FUT8: variants seen among roughly 807,000 people sequenced by gnomAD.
The protein encoded by FUT8 is alpha-(1,6)-fucosyltransferase.
FUT8 carries 29 observed loss-of-function variants against 71.3 expected under a neutral mutation model. The ratio of observed to expected loss-of-function variants is 0.41; its 90% CI spans 0.30 to 0.55. The LOEUF is 0.55. Ranked by LOEUF, FUT8 falls within the 20% of genes least tolerant of loss-of-function variation. FUT8 has a pLI of 0.34. For synonymous variants in FUT8, 254 were observed against 239.3 expected (o/e 1.06, Z -0.57); for missense variants, 544 against 702.1 (o/e 0.77, Z 2.55).
At chr14:65,565,918 AAC>A (rs1886169817) in intron 3 of FUT8, among the ~76,000 whole-genome samples, 1 of 151,724 alleles carries the variant, frequency 6.6e-6, no homozygotes, top group Non-Finnish European at 1.5e-5. Context: ...AAAACATATA[AAC>A]ACAAAATTAT....
chr14:65,499,858 T>G (rs2066618983), intron 2 of FUT8, among the ~76,000 whole-genome samples: 1 of 151,770 alleles, frequency 6.6e-6, no homozygotes, highest in Non-Finnish European at 1.5e-5. Flanking sequence ...ATGTGTTGAA[T>G]ATTTAGTTAT....
intron 1 of FUT8, among the ~76,000 whole-genome samples, chr14:65,440,233 G>A (rs757006550): frequency 5.9e-5 from 9 of 151,828 alleles, no homozygotes; most frequent in Non-Finnish European, 1.0e-4. Context: ...TGTGGTTAAA[G>A]TGTACAAAGT....
rs1895564262 is a variant in FUT8 at position 65,724,160 on chromosome 14, C to T, written c.1096C>T (p.Arg366Cys). ...TTTCTCCCCCAGAGTCCATGTCAGACGCACAGACAAAGTGGGAACAGAAGC... is the reference window on the plus strand; with the variant it reads ...TTTCTCCCCCAGAGTCCATGTCAGATGCACAGACAAAGTGGGAACAGAAGC... ...KHPVIGVHVR[R>C]TDKVGTEAAF... Residue 366 changes from arginine (R) to cysteine (C), a missense_variant, in exon 9 of 11, where the codon CGC becomes TGC. Arg to Cys is a radical substitution (Grantham distance 180). Coordinates refer to ENST00000673929, the MANE Select transcript of FUT8 (RefSeq NM_001371533.1). 4 of 1,595,270 alleles carry T rather than the reference C, an allele frequency of 2.5e-6. No homozygotes were observed. Among genetic ancestry groups the T allele is most frequent in the African/African-American group, 1.3e-5 (1 of 74,188 alleles).
chr14:65,394,198 A>T, the FUT8 span, among the ~76,000 whole-genome samples: 1 of 152,124 alleles, frequency 6.6e-6, no homozygotes, highest in Non-Finnish European at 1.5e-5. Context: ...GCCTCAGGTG[A>T]TCTGCCCACC....
chr14:65,533,673 T>A (rs540825740), intron 2 of FUT8, among the ~76,000 whole-genome samples: 2 of 152,328 alleles, frequency 1.3e-5, no homozygotes, highest in South Asian at 4.1e-4. Flanking sequence ...CTTCCAATAC[T>A]ATGTTGAATA....
At chr14:65,432,223 G>A (rs1383771441) in intron 1 of FUT8, among the ~76,000 whole-genome samples, 1 of 152,002 alleles carries the variant, frequency 6.6e-6, no homozygotes, top group Non-Finnish European at 1.5e-5. Flanking sequence ...TTCTTGAAAT[G>A]TTACCTATTC....
At chr14:65,739,670 T>A (rs1324934965) in intron 10 of FUT8, among the ~76,000 whole-genome samples, 1 of 152,014 alleles carries the variant, frequency 6.6e-6, no homozygotes, top group African/African-American at 2.4e-5. Context: ...AAAAGAAGAC[T>A]GTCAGGTTTA....
chr14:65,372,427 T>G, the FUT8 span, among the ~76,000 whole-genome samples: 1 of 152,140 alleles, frequency 6.6e-6, no homozygotes, highest in South Asian at 2.1e-4. Flanking sequence ...TTTTTTTTTT[T>G]TCTTTTGGGA....
chr14:65,491,913 C>T (rs1383266809), intron 2 of FUT8, among the ~76,000 whole-genome samples: 1 of 152,108 alleles, frequency 6.6e-6, no homozygotes, highest in Non-Finnish European at 1.5e-5. Context: ...CTGGTTCTCT[C>T]TTAAGAGAAG....
At chr14:65,485,845 C>G (rs1041408453) in intron 2 of FUT8, among the ~76,000 whole-genome samples, 10 of 152,164 alleles carry the variant, frequency 6.6e-5, no homozygotes, top group African/African-American at 2.4e-4. Context: ...TGGGCCTTAG[C>G]CTGAAAAGTC....
At chr14:65,517,611 G>A (rs1882798008) in intron 2 of FUT8, among the ~76,000 whole-genome samples, 1 of 152,132 alleles carries the variant, frequency 6.6e-6, no homozygotes, top group Admixed American at 6.6e-5. Context: ...ATTTTGGGGT[G>A]ATCATATCAA....
chr14:65,725,115 T>G (rs543671949), intron 9 of FUT8, among the ~76,000 whole-genome samples: 1 of 152,344 alleles, frequency 6.6e-6, no homozygotes, highest in African/African-American at 2.4e-5. Flanking sequence ...TTTTGTCTTA[T>G]AATAATTTGT....
intron 2 of FUT8, among the ~76,000 whole-genome samples, chr14:65,495,394 A>G (rs2066543752): frequency 6.6e-6 from 1 of 152,064 alleles, no homozygotes; most frequent in African/African-American, 2.4e-5. Context: ...GGGCAGGAGC[A>G]CTCTGGTGAA....
the FUT8 span, among the ~76,000 whole-genome samples, chr14:65,382,866 T>C: frequency 6.6e-6 from 1 of 152,326 alleles, no homozygotes; most frequent in African/African-American, 2.4e-5. Context: ...TATCTCACTT[T>C]CTATGTGGTC....
chr14:65,710,385 A>G (rs1426304363), intron 7 of FUT8, among the ~76,000 whole-genome samples: 1 of 152,232 alleles, frequency 6.6e-6, no homozygotes, highest in African/African-American at 2.4e-5. Flanking sequence ...AATAGAATAT[A>G]TAATGTTATA....
intron 1 of FUT8, among the ~76,000 whole-genome samples, chr14:65,454,187 C>T (rs2065866639): frequency 6.6e-6 from 1 of 152,170 alleles, no homozygotes; most frequent in Admixed American, 6.5e-5. Flanking sequence ...TTGGCAAAGA[C>T]TTTTGGGTGA....
intron 7 of FUT8, among the ~76,000 whole-genome samples, chr14:65,687,972 C>A (rs1192720403): frequency 6.6e-6 from 1 of 152,188 alleles, no homozygotes; most frequent in Non-Finnish European, 1.5e-5. Flanking sequence ...TGAAGCAGTT[C>A]TTTTGCCTGG....
chr14:65,683,013 A>ATT (rs386364141), intron 7 of FUT8, among the ~76,000 whole-genome samples: 65 of 141,008 alleles, frequency 4.6e-4, no homozygotes, highest in Admixed American at 6.4e-4. Context: ...AGTAATTGCA[A>ATT]TTTTTTTTTT....
chr14:65,694,004 C>T (rs56388399), intron 7 of FUT8, among the ~76,000 whole-genome samples: 3 of 151,708 alleles, frequency 2.0e-5, no homozygotes, highest in Non-Finnish European at 4.4e-5. Context: ...CCTTTATTAT[C>T]GTTTTAACGT....
Sources: allele counts gnomAD v4.1 joint callset (sites outside exome capture counted in the v4.1 genomes callset), GRCh38; gene constraint gnomAD v4.1.1; transcripts MANE v1.5; gene names NCBI Gene and HGNC (gene_info 2026-07-23, HGNC 2026-07-21).